Variants in PRCC observed in about 807,000 individuals in gnomAD.
PRCC encodes proline rich mitotic checkpoint control factor.
A neutral mutation model predicts 44.0 loss-of-function variants in PRCC; 10 were observed. That is an observed-to-expected ratio of 0.23 (90% CI 0.14 to 0.39). The LOEUF (loss-of-function observed/expected upper bound fraction) is 0.39. Among genes scored for constraint, PRCC ranks in the 10% least tolerant of loss-of-function variants. The pLI is 1.00. For missense variants in PRCC, 573 were observed against 624.7 expected, an observed-to-expected ratio of 0.92 and a Z score of 0.88; for synonymous variants, 278 against 259.5, an observed-to-expected ratio of 1.07 and a Z score of -0.69.
At chr1:156,773,839 G>A (rs1651719756) in intron 1 of PRCC, among the ~76,000 whole-genome samples, 1 of 152,160 alleles carries the variant, frequency 6.6e-6, no homozygotes, top group South Asian at 2.1e-4. Flanking sequence ...AGCCAAAGGT[G>A]GCAACAACCC....
intron 1 of PRCC, among the ~76,000 whole-genome samples, chr1:156,770,575 A>G (rs1651597433): frequency 6.6e-6 from 1 of 152,124 alleles, no homozygotes; most frequent in Admixed American, 6.5e-5. Context: ...GGGTTTCTCC[A>G]TGTTGGTCAG....
At chr1:156,790,722 A>C (rs1652444695) in intron 3 of PRCC, among the ~76,000 whole-genome samples, 1 of 152,232 alleles carries the variant, frequency 6.6e-6, no homozygotes, top group African/African-American at 2.4e-5. Flanking sequence ...TTCTATATGC[A>C]GTTATAAACA....
intron 2 of PRCC, among the ~76,000 whole-genome samples, chr1:156,783,483 C>T (rs1233617039): frequency 6.6e-6 from 1 of 152,122 alleles, no homozygotes; most frequent in African/African-American, 2.4e-5. Flanking sequence ...CACGGTGGCT[C>T]ATGCCTGTAA....
chr1:156,797,729 A>G (rs1323538711), intron 6 of PRCC, among the ~76,000 whole-genome samples: 2 of 152,238 alleles, frequency 1.3e-5, no homozygotes, highest in East Asian at 3.8e-4. Flanking sequence ...CACCTGATGA[A>G]GAGGTTGGTT....
chr1:156,797,696 A>AT (rs2102775354), intron 6 of PRCC, among the ~76,000 whole-genome samples: 1 of 152,296 alleles, frequency 6.6e-6, no homozygotes, highest in South Asian at 2.1e-4. Flanking sequence ...AAAAAAGTTG[A>AT]TTCACCAACT....
chr1:156,788,228 G>T (rs570328100), intron 3 of PRCC, among the ~76,000 whole-genome samples: 4 of 152,268 alleles, frequency 2.6e-5, no homozygotes, highest in African/African-American at 7.2e-5. Flanking sequence ...TCAGTGTTTA[G>T]TTCCTATTTA....
Position 156,786,953 on chromosome 1 carries a change from G to A in PRCC, c.862G>A (p.Val288Ile), listed in dbSNP as rs778061564. 4.0e-5 allele frequency: 65 copies of A among 1,614,118 alleles called. No individual in the cohort carries two copies. In the South Asian group the frequency reaches 6.9e-4, roughly 17 times the overall value. The change falls in exon 3 of 7, where the codon GTT (valine) becomes ATT (isoleucine). Residue 288 changes from valine (V) to isoleucine (I), a missense_variant. Val to Ile is a conservative substitution (Grantham distance 29, BLOSUM62 3). This residue lies in a region of PRCC where 141 missense variants were observed against 130.2 expected (regional missense o/e 1.08). Transcript: ENST00000271526. Reference protein sequence around the residue: ...SLPEKAEPPGVEPYPYPIPTV... With the variant: ...SLPEKAEPPGIEPYPYPIPTV... ...CCCTGAAAAGGCTGAGCCACCTGGA[G>A]TTGAGCCATACCCTTACCCCATCCC...
At chr1:156,779,782 A>G (rs1333015835) in intron 1 of PRCC, among the ~76,000 whole-genome samples, 6 of 151,790 alleles carry the variant, frequency 4.0e-5, no homozygotes, top group Admixed American at 2.0e-4. Context: ...GGGTCTCACT[A>G]TGTTGACCAG....
intron 4 of PRCC, among the ~76,000 whole-genome samples, chr1:156,792,769 G>T (rs1316056784): frequency 6.6e-6 from 1 of 152,138 alleles, no homozygotes; most frequent in East Asian, 1.9e-4. Flanking sequence ...ATATCTAGTT[G>T]TAAGGGGGTC....
rs752963095 is a variant in PRCC, at chr1:156,787,033, C to T, written c.942C>T (p.Asp314=). 47 of 1,614,114 alleles carry T rather than the reference C, an allele frequency of 2.9e-5. No individual in the cohort carries two copies. The Admixed American group carries it at 4.2e-4, about 14-fold the overall frequency. Residue 314 remains aspartate, a synonymous_variant, in exon 3 of 7, where the codon GAC becomes GAT. Transcript: ENST00000271526. ...PGTEPEPAFQ[D]DAANAPLEFK... ...CGGAACCAGAGCCGGCTTTCCAGGA[C>T]GATGCAGCCAATGCCCCCCTTGAAT...
chr1:156,786,067 C>A (rs929780775), intron 2 of PRCC, among the ~76,000 whole-genome samples: 13 of 152,258 alleles, frequency 8.5e-5, no homozygotes, highest in Middle Eastern at 6.8e-3. Flanking sequence ...ACCTTGGTCT[C>A]CCAAAGTGCT....
Position 156,767,950 on chromosome 1 carries a change from C to T in PRCC, c.179C>T (p.Pro60Leu). The change falls in exon 1 of 7, where the codon CCA becomes CTA. Residue 60 changes from proline to leucine, a missense_variant. By Grantham distance (98) the Pro-to-Leu change is moderately conservative. This residue lies in a region of PRCC where 245 missense variants were observed against 188.5 expected (regional missense o/e 1.30). Coordinates refer to ENST00000271526, the MANE Select transcript of PRCC (RefSeq NM_005973.5). ...CCTCCGCCCCCTCAGATGCTGGCGC[C>T]AGCCTTTCCCCCGCCGCTGTTGCTT... ...LLPPPPQMLAPAFPPPLLLPP... is the reference protein window; with the variant it reads ...LLPPPPQMLALAFPPPLLLPP... 6.3e-7 allele frequency: 1 copy of T among 1,584,112 alleles called. No individual in the cohort carries two copies. Among genetic ancestry groups the T allele is most frequent in the Non-Finnish European group, 8.6e-7 (1 of 1,165,134 alleles).
At chr1:156,777,530 A>T (rs1651871395) in intron 1 of PRCC, among the ~76,000 whole-genome samples, 2 of 152,218 alleles carry the variant, frequency 1.3e-5, no homozygotes, top group Admixed American at 1.3e-4. Context: ...GGGTTAAAAA[A>T]AAAAAACATA....
rs1388989512 is a variant in PRCC, at chr1:156,786,628, T to C, written c.537T>C (p.Gly179=). 1 of 1,612,624 alleles carries C rather than the reference T, an allele frequency of 6.2e-7. No individual in the cohort carries two copies. Among genetic ancestry groups the C allele is most frequent in the African/African-American group, 1.3e-5 (1 of 75,006 alleles). The part of the protein sequence containing the change: ...TILQGSSEGT[G]LSALLPQPKN... ...ACCAGGGATCCAGTGAGGGGACTGG[T>C]TTGTCTGCCTTGCTTCCCCAACCTA... Residue 179 remains glycine, a synonymous_variant, in exon 3 of 7, where the codon GGT becomes GGC. Coordinates refer to ENST00000271526, the MANE Select transcript of PRCC (RefSeq NM_005973.5).
chr1:156,775,105 A>G (rs1309298740), intron 1 of PRCC, among the ~76,000 whole-genome samples: 1 of 151,182 alleles, frequency 6.6e-6, no homozygotes, highest in Non-Finnish European at 1.5e-5. Context: ...AAAATTAGCC[A>G]AGCGTGGTGG....
intron 1 of PRCC, among the ~76,000 whole-genome samples, chr1:156,769,141 C>T (rs1651530087): frequency 6.6e-6 from 1 of 152,200 alleles, no homozygotes; most frequent in South Asian, 2.1e-4. Flanking sequence ...ATTTATTGCC[C>T]TTGCTTTTCT....
intron 4 of PRCC, among the ~76,000 whole-genome samples, chr1:156,792,053 C>G (rs1422185850): frequency 1.7e-5 from 1 of 58,408 alleles, no homozygotes; most frequent in African/African-American, 5.3e-5. Context: ...TAGTCCCCTT[C>G]TTTTTTTTTT....
intron 1 of PRCC, among the ~76,000 whole-genome samples, chr1:156,779,354 T>C (rs907661570): frequency 4.6e-5 from 7 of 150,868 alleles, no homozygotes; most frequent in African/African-American, 7.3e-5. Context: ...AAATTTGTAT[T>C]ATTTTAATTA....
Position 156,800,570 on chromosome 1 carries a change from G to A in PRCC, c.*110G>A, listed in dbSNP as rs1475329865. 9.0e-7 allele frequency: 1 copy of A among 1,105,042 alleles called. No homozygotes were observed. The highest frequency in any genetic ancestry group is 1.4e-6 in the Non-Finnish European group (1 of 732,412). The allele number at this position is 1,105,042 out of a possible 1,614,324, so 68.5% of individuals were successfully genotyped here. A position where few individuals can be genotyped will look rare whatever the true frequency, so the allele number is the denominator to read the frequency against. ...TAAGCCCAGGATCTCTTTCCCCAAG[G>A]ACCCAGCCCTCGCCTCTGCGAGAAT... On this transcript the variant is annotated 3_prime_UTR_variant, in exon 7 of 7. Transcript: ENST00000271526.
Sources: gnomAD v4.1 joint callset for allele counts (sites outside exome capture counted in the v4.1 genomes callset) on GRCh38, gnomAD v4.1.1 for gene constraint, gnomAD v4.1.1 regional missense constraint, MANE v1.5 for transcripts, NCBI Gene and HGNC (gene_info 2026-07-23, HGNC 2026-07-21) for gene names.